SLC25A48: variants seen among roughly 807,000 people sequenced by gnomAD.
SLC25A48 encodes solute carrier family 25 member 48.
In SLC25A48, 29 loss-of-function variants were observed where a neutral mutation model predicts 32.2. That is an observed-to-expected ratio of 0.90 (90% confidence interval 0.67 to 1.23). The LOEUF (loss-of-function observed/expected upper bound fraction) is 1.23. Ranked by LOEUF, SLC25A48 falls within the 50% of genes most tolerant of loss-of-function variation. The pLI is 0.00. For missense variants in SLC25A48, 399 were observed against 422.7 expected (o/e 0.94, Z 0.49); for synonymous variants, 164 against 172.3 (o/e 0.95, Z 0.38).
chr5:135,710,581 C>T (rs1754629172), intron 3 of SLC25A48, among the ~76,000 whole-genome samples: 1 of 152,238 alleles, frequency 6.6e-6, no homozygotes, highest in South Asian at 2.1e-4. Flanking sequence ...TGCCTTACCT[C>T]TCTGGAGCAC....
At chr5:135,753,902 C>G (rs1755832350) in intron 3 of SLC25A48, among the ~76,000 whole-genome samples, 1 of 151,910 alleles carries the variant, frequency 6.6e-6, no homozygotes, top group African/African-American at 2.4e-5. Flanking sequence ...TATTCTTATG[C>G]ATGATATCTC....
intron 1 of SLC25A48, among the ~76,000 whole-genome samples, chr5:135,599,428 C>G (rs1316016824): frequency 6.6e-6 from 1 of 152,208 alleles, no homozygotes; most frequent in African/African-American, 2.4e-5. Flanking sequence ...TTGCTGTAAT[C>G]AGGTTACCCA....
intron 4 of SLC25A48, among the ~76,000 whole-genome samples, chr5:135,823,643 T>C (rs944223999): frequency 2.6e-5 from 4 of 152,182 alleles, no homozygotes; most frequent in African/African-American, 7.2e-5. Flanking sequence ...ATGAGAGATA[T>C]TAATCAAGAA....
intron 3 of SLC25A48, among the ~76,000 whole-genome samples, chr5:135,767,127 G>A (rs1756256700): frequency 6.7e-6 from 1 of 148,868 alleles, no homozygotes; most frequent in Non-Finnish European, 1.5e-5. Flanking sequence ...CCCTTGACAT[G>A]TTTTGTAATA....
chr5:135,863,960 G>A (rs1486730799), intron 4 of SLC25A48, among the ~76,000 whole-genome samples: 1 of 152,218 alleles, frequency 6.6e-6, no homozygotes, highest in Admixed American at 6.5e-5. Context: ...TTGAGGGCAA[G>A]TGGGAGGAAG....
chr5:135,826,592 G>C (rs1024775902), intron 4 of SLC25A48: 1 of 152,214 alleles, frequency 6.6e-6, no homozygotes, highest in Non-Finnish European at 1.5e-5. Context: ...ATGCTTTGGA[G>C]TAATACTTGC....
intron 4 of SLC25A48, among the ~76,000 whole-genome samples, chr5:135,815,120 A>C (rs1179206883): frequency 7.9e-5 from 12 of 152,180 alleles, no homozygotes; most frequent in Non-Finnish European, 8.8e-5. Flanking sequence ...CTTTCACAGC[A>C]TCTGTGAGGT....
chr5:135,684,774 T>C (rs1227510178), intron 3 of SLC25A48, among the ~76,000 whole-genome samples: 4 of 152,220 alleles, frequency 2.6e-5, no homozygotes, highest in African/African-American at 7.2e-5. Context: ...AACTTCCTTA[T>C]TCCGTTTCTA....
intron 3 of SLC25A48, among the ~76,000 whole-genome samples, chr5:135,700,788 G>A (rs1754377274): frequency 6.6e-6 from 1 of 152,226 alleles, no homozygotes; most frequent in African/African-American, 2.4e-5. Flanking sequence ...CCCCATGTCT[G>A]CAGCTCTAGC....
chr5:135,766,978 T>C (rs1007947290), intron 3 of SLC25A48, among the ~76,000 whole-genome samples: 4 of 151,852 alleles, frequency 2.6e-5, no homozygotes, highest in Non-Finnish European at 4.4e-5. Context: ...AAGTATGATA[T>C]GGTTCGTAAT....
intron 1 of SLC25A48, among the ~76,000 whole-genome samples, chr5:135,627,725 C>T (rs1261005155): frequency 6.9e-6 from 1 of 144,410 alleles, no homozygotes; most frequent in African/African-American, 2.6e-5. Flanking sequence ...GTATAGTCAC[C>T]CAGTCCTATT....
intron 1 of SLC25A48, among the ~76,000 whole-genome samples, chr5:135,605,503 C>G (rs941151989): frequency 1.3e-5 from 2 of 152,208 alleles, no homozygotes; most frequent in Non-Finnish European, 1.5e-5. Flanking sequence ...CCTGGGTTGT[C>G]TCCAGCTCCT....
At chr5:135,585,839 G>T (rs1751352915) in intron 1 of SLC25A48, among the ~76,000 whole-genome samples, 1 of 152,078 alleles carries the variant, frequency 6.6e-6, no homozygotes, top group African/African-American at 2.4e-5. Context: ...CAAACATGTT[G>T]CACAGTATCT....
At chr5:135,797,412 G>C (rs1757213104) in intron 3 of SLC25A48, among the ~76,000 whole-genome samples, 1 of 151,836 alleles carries the variant, frequency 6.6e-6, no homozygotes, top group Admixed American at 6.6e-5. Flanking sequence ...AGTATTTCAG[G>C]GGGTGTACAC....
intron 3 of SLC25A48, among the ~76,000 whole-genome samples, chr5:135,781,578 G>A (rs908473464): frequency 8.6e-6 from 1 of 116,826 alleles, no homozygotes; most frequent in African/African-American, 2.6e-5. Context: ...TATCGCAGTG[G>A]GTGTATAACT....
chr5:135,645,125 C>G (rs1012333784), intron 3 of SLC25A48, among the ~76,000 whole-genome samples: 1 of 152,196 alleles, frequency 6.6e-6, no homozygotes, highest in Admixed American at 6.5e-5. Context: ...AAATGGCGTA[C>G]GGGAGCGTTG....
At chr5:135,587,193 G>T (rs1011460887) in intron 1 of SLC25A48, among the ~76,000 whole-genome samples, 1 of 152,066 alleles carries the variant, frequency 6.6e-6, no homozygotes, top group South Asian at 2.1e-4. Flanking sequence ...ACTACCCTTG[G>T]CTAGTTTTTA....
intron 1 of SLC25A48, among the ~76,000 whole-genome samples, chr5:135,594,499 T>C (rs1751601402): frequency 1.3e-5 from 2 of 152,190 alleles, no homozygotes; most frequent in South Asian, 4.1e-4. Flanking sequence ...AGTTTCCTAA[T>C]TTGTAAAATG....
intron 1 of SLC25A48, among the ~76,000 whole-genome samples, chr5:135,582,961 CAT>C (rs969283041): frequency 2.0e-4 from 30 of 152,292 alleles, no homozygotes; most frequent in African/African-American, 7.0e-4. Flanking sequence ...TGTACATTTT[CAT>C]ATTTATTTGG....
Sources: allele counts gnomAD v4.1 joint callset (sites outside exome capture counted in the v4.1 genomes callset), GRCh38; gene constraint gnomAD v4.1.1; transcripts MANE v1.5; gene names NCBI Gene and HGNC (gene_info 2026-07-23, HGNC 2026-07-21).